AK5: variants seen among roughly 807,000 people sequenced by gnomAD.
AK5 encodes adenylate kinase 5, also known as adenylate kinase isoenzyme 5.
In AK5, 27 loss-of-function variants were observed where a neutral mutation model predicts 69.5. That is an observed-to-expected ratio of 0.39 (90% CI 0.29 to 0.54). AK5 has a LOEUF of 0.54. Ranked by LOEUF, AK5 falls within the 20% of genes least tolerant of loss-of-function variation. The pLI, the probability that AK5 is intolerant of heterozygous loss-of-function variation, is 0.71. For missense variants in AK5, 531 were observed against 700.4 expected (o/e 0.76, Z 2.73); for synonymous variants, 260 against 244.4 (o/e 1.06, Z -0.60).
intron 6 of AK5, among the ~76,000 whole-genome samples, chr1:77,405,864 G>A (rs915547400): frequency 5.3e-5 from 8 of 152,136 alleles, no homozygotes; most frequent in Non-Finnish European, 1.0e-4. Context: ...AAGCTGGGGT[G>A]CAGCTCATAA....
Position 77,462,254 on chromosome 1 carries a change from C to T in AK5, c.1060-21063C>T, listed in dbSNP as rs117564235. Reference sequence around the variant, plus strand: ...GAACCCTCTCACTGCCTTGATCCAGCGAGGCTGGACCTGGCATGTTGTAGA... The same window carrying T: ...GAACCCTCTCACTGCCTTGATCCAGTGAGGCTGGACCTGGCATGTTGTAGA... On this transcript the variant is annotated intron_variant, in intron 8 of 13. Coordinates refer to ENST00000354567, the MANE Select transcript of AK5 (RefSeq NM_174858.3). 3.2e-4 allele frequency among the ~76,000 whole-genome samples: 48 copies of T among 152,184 alleles called. No homozygotes were observed. The East Asian group carries it at 7.9e-3, about 25-fold the overall frequency.
chr1:77,475,455 CAA>C (rs1226287780), intron 8 of AK5, among the ~76,000 whole-genome samples: 507 of 4,204 alleles, frequency 0.12, 24 homozygotes, highest in African/African-American at 0.23. Context: ...TATATATATA[CAA>C]ATATATATTA....
At position 77,518,233 on chromosome 1, in the gene AK5, C is replaced by G. The variant is rs184902774; in HGVS notation, c.1148-331C>G. Among the ~76,000 whole-genome samples, 40 of 152,306 alleles carry G rather than the reference C, an allele frequency of 2.6e-4. No individual in the cohort carries two copies. The East Asian group carries it at 7.1e-3, about 27-fold the overall frequency. On this transcript the variant is annotated intron_variant, in intron 10 of 13. Transcript: ENST00000354567. Reference sequence around the variant, plus strand: ...TCTACCAAAACGGAGCCAAGTACCCCTCCTCTGTGCCCCGATAGTAGGCTG... The same window carrying G: ...TCTACCAAAACGGAGCCAAGTACCCGTCCTCTGTGCCCCGATAGTAGGCTG...
At chr1:77,333,544 T>TCCCC (rs369283568) in intron 5 of AK5, among the ~76,000 whole-genome samples, 12 of 145,078 alleles carry the variant, frequency 8.3e-5, no homozygotes, top group East Asian at 2.1e-4. Context: ...TTTTTAAATC[T>TCCCC]CCCCCCCACC....
intron 6 of AK5, among the ~76,000 whole-genome samples, chr1:77,393,317 A>G (rs976203207): frequency 7.9e-5 from 12 of 152,184 alleles, no homozygotes; most frequent in Non-Finnish European, 4.4e-5. Flanking sequence ...TGAGACAGCA[A>G]TTCATTTATT....
At chr1:77,503,493 C>T (rs1656845588) in intron 10 of AK5, among the ~76,000 whole-genome samples, 1 of 152,102 alleles carries the variant, frequency 6.6e-6, no homozygotes, top group Admixed American at 6.5e-5. Flanking sequence ...TTTCTTAGAG[C>T]ATGGATCTGC....
rs550960338 is a variant in AK5, at chr1:77,548,327, AC to A, written c.1621-10270del. 3.4e-3 allele frequency among the ~76,000 whole-genome samples: 519 copies of A among 152,132 alleles called. 2 individuals are homozygous for A. The highest frequency in any genetic ancestry group is 0.016 in the South Asian group (77 of 4,812). On this transcript the variant is annotated intron_variant, in intron 13 of 13. Transcript: ENST00000354567. ...CCTGACTGGATATGTGAACTGGATGACCCCCATGAGCAGTCTTTTACATAAC... is the reference window on the plus strand; with the variant it reads ...CCTGACTGGATATGTGAACTGGATGACCCCATGAGCAGTCTTTTACATAAC...
intron 10 of AK5, among the ~76,000 whole-genome samples, chr1:77,500,309 C>T (rs765257506): frequency 5.9e-5 from 9 of 152,106 alleles, no homozygotes; most frequent in Non-Finnish European, 1.0e-4. Flanking sequence ...AAGTAGCACA[C>T]GGTTTCCGTA....
At chr1:77,315,501 TA>T (rs1441575850) in intron 5 of AK5, among the ~76,000 whole-genome samples, 1 of 152,142 alleles carries the variant, frequency 6.6e-6, no homozygotes, top group Non-Finnish European at 1.5e-5. Flanking sequence ...CAATGTGATT[TA>T]AAATGAAACT....
At chr1:77,422,801 G>A (rs1201237105) in intron 8 of AK5, among the ~76,000 whole-genome samples, 4 of 152,190 alleles carry the variant, frequency 2.6e-5, no homozygotes. Context: ...ATGCCCATTT[G>A]TTTAAAGCCA....
At chr1:77,470,854 TATATATATATATA>T (rs1654440057) in intron 8 of AK5, among the ~76,000 whole-genome samples, 510 of 31,632 alleles carry the variant, frequency 0.016, 112 homozygotes, top group African/African-American at 0.036. Context: ...TATATATATA[TATATATATATATA>T]TATATATATT....
chr1:77,554,167 A>G (rs1659957178), intron 13 of AK5, among the ~76,000 whole-genome samples: 1 of 152,076 alleles, frequency 6.6e-6, no homozygotes, highest in Non-Finnish European at 1.5e-5. Flanking sequence ...GCCTGCCCCC[A>G]TCACCCCATG....
chr1:77,500,518 C>T (rs945906523), intron 10 of AK5, among the ~76,000 whole-genome samples: 1 of 152,148 alleles, frequency 6.6e-6, no homozygotes, highest in African/African-American at 2.4e-5. Flanking sequence ...GTGGCTCACT[C>T]CTGTAATCCC....
intron 5 of AK5, among the ~76,000 whole-genome samples, chr1:77,333,332 T>A (rs1275906606): frequency 6.6e-6 from 1 of 152,226 alleles, no homozygotes; most frequent in Non-Finnish European, 1.5e-5. Flanking sequence ...GACACTCTTA[T>A]GAACAGCAAG....
intron 8 of AK5, among the ~76,000 whole-genome samples, chr1:77,468,103 T>C (rs1654254416): frequency 6.6e-6 from 1 of 152,220 alleles, no homozygotes; most frequent in Non-Finnish European, 1.5e-5. Context: ...CCTCTTGGCT[T>C]ATAAATGGAG....
chr1:77,499,625 A>G (rs1656579723), intron 10 of AK5, among the ~76,000 whole-genome samples: 2 of 151,980 alleles, frequency 1.3e-5, no homozygotes. Flanking sequence ...GGAAGTCCTC[A>G]GCATGGTCTG....
intron 6 of AK5, among the ~76,000 whole-genome samples, chr1:77,399,885 C>T (rs1046808960): frequency 1.3e-5 from 2 of 152,178 alleles, no homozygotes; most frequent in Non-Finnish European, 2.9e-5. Flanking sequence ...TGGGCAGTAG[C>T]CAGTTTCCCT....
chr1:77,285,399 C>G (rs1658296872), intron 1 of AK5, among the ~76,000 whole-genome samples: 1 of 152,158 alleles, frequency 6.6e-6, no homozygotes, highest in Admixed American at 6.5e-5. Flanking sequence ...CACACTCTAG[C>G]TTACTCTATT....
At position 77,297,547 on chromosome 1, in the gene AK5, T is replaced by C; in HGVS notation, c.416-12T>C. The C allele has an allele frequency of 1.3e-6, 2 of 1,585,988 alleles. No individual in the cohort carries two copies. The highest frequency in any genetic ancestry group is 1.7e-6 in the Non-Finnish European group (2 of 1,169,516). On this transcript the variant is annotated splice_polypyrimidine_tract_variant and intron_variant, in intron 3 of 13. Coordinates refer to ENST00000354567, the MANE Select transcript of AK5 (RefSeq NM_174858.3). ...ATCAGAAGATCACAGTTTTGCCTGTTTTAAATACTAGGTGGTCCAGGAAGT... is the reference window on the plus strand; with the variant it reads ...ATCAGAAGATCACAGTTTTGCCTGTCTTAAATACTAGGTGGTCCAGGAAGT...
Sources: gnomAD v4.1 joint callset for allele counts (sites outside exome capture counted in the v4.1 genomes callset) on GRCh38, gnomAD v4.1.1 for gene constraint, MANE v1.5 for transcripts, NCBI Gene and HGNC (gene_info 2026-07-23, HGNC 2026-07-21) for gene names.